The following MAP2 variants were observed in gnomAD, a reference collection of about 807,000 sequenced individuals.
MAP2 encodes microtubule associated protein 2, also known as microtubule-associated protein 2.
In MAP2, 14 loss-of-function variants were observed where a neutral mutation model predicts 137.6. That is an observed-to-expected ratio of 0.10 (90% CI 0.07 to 0.16). The LOEUF is 0.16. Among genes scored for constraint, MAP2 ranks in the 10% least tolerant of loss-of-function variants. The probability of loss-of-function intolerance (pLI) is 1.00; values close to 1 mark genes in which losing one functional copy is unlikely to be tolerated. For missense variants in MAP2, 2,088 were observed against 2,191.5 expected (o/e 0.95, Z 0.94); for synonymous variants, 786 against 782.3 (o/e 1.00, Z -0.08).
chr2:209,649,580 A>C (rs1319775675), intron 4 of MAP2, among the ~76,000 whole-genome samples: 1 of 152,144 alleles, frequency 6.6e-6, no homozygotes, highest in Non-Finnish European at 1.5e-5. Flanking sequence ...TTGTTCAATA[A>C]ACTTTTCCCT....
intron 4 of MAP2, among the ~76,000 whole-genome samples, chr2:209,627,113 AACACT>A (rs2092437053): frequency 6.6e-6 from 1 of 152,132 alleles, no homozygotes; most frequent in Admixed American, 6.6e-5. Flanking sequence ...CTATACATGA[AACACT>A]TACTATTCCC....
chr2:209,608,357 T>C (rs917112902), intron 3 of MAP2, among the ~76,000 whole-genome samples: 21 of 152,006 alleles, frequency 1.4e-4, no homozygotes, highest in Non-Finnish European at 2.5e-4. Flanking sequence ...GACACAATCA[T>C]AGCTCACTGC....
intron 2 of MAP2, among the ~76,000 whole-genome samples, chr2:209,534,309 G>A (rs1245414223): frequency 1.3e-5 from 2 of 152,208 alleles, no homozygotes; most frequent in African/African-American, 2.4e-5. Flanking sequence ...GTTAAGAGAA[G>A]TTGATGGTTT....
chr2:209,721,181 G>C (rs1020321403), intron 13 of MAP2, among the ~76,000 whole-genome samples: 1 of 152,174 alleles, frequency 6.6e-6, no homozygotes, highest in Non-Finnish European at 1.5e-5. Context: ...TGTCAAGCTA[G>C]AGTGTAACTC....
intron 1 of MAP2, among the ~76,000 whole-genome samples, chr2:209,477,037 G>C (rs1707426288): frequency 6.6e-6 from 1 of 152,094 alleles, no homozygotes; most frequent in African/African-American, 2.4e-5. Context: ...ACTGTGAGAG[G>C]GCAGGCTGCC....
At chr2:209,554,683 G>A (rs2070090155) in intron 2 of MAP2, among the ~76,000 whole-genome samples, 1 of 151,924 alleles carries the variant, frequency 6.6e-6, no homozygotes, top group South Asian at 2.1e-4. Context: ...CTGGGATGTT[G>A]AGGCTGCAGT....
intron 2 of MAP2, among the ~76,000 whole-genome samples, chr2:209,554,642 C>T (rs1197330984): frequency 6.6e-6 from 1 of 151,846 alleles, no homozygotes; most frequent in Admixed American, 6.6e-5. Flanking sequence ...CAAAGCTACT[C>T]AGGTGGCTGA....
rs377442719 is a variant in MAP2 at position 209,454,002 on chromosome 2, T to G, written c.-222+29726T>G. Among the ~76,000 whole-genome samples the G allele has an allele frequency of 1.6e-4, 24 of 151,824 alleles. No individual in the cohort carries two copies. In the East Asian group the frequency reaches 3.5e-3, roughly 22 times the overall value. On this transcript the variant is annotated intron_variant, in intron 1 of 15. Coordinates refer to ENST00000682079, the MANE Select transcript of MAP2 (RefSeq NM_001375505.1). ...CCATCTCTACTAAAAATACAAAAAA[T>G]TAGCCAGGCGTGGTGGCGGGCGCCT...
chr2:209,497,118 T>C (rs770563207), intron 1 of MAP2, among the ~76,000 whole-genome samples: 1 of 152,144 alleles, frequency 6.6e-6, no homozygotes, highest in Non-Finnish European at 1.5e-5. Flanking sequence ...TAAATACTGT[T>C]ATGGACTGAG....
intron 2 of MAP2, among the ~76,000 whole-genome samples, chr2:209,564,784 A>G (rs889767972): frequency 2.6e-5 from 4 of 151,906 alleles, no homozygotes; most frequent in African/African-American, 9.7e-5. Flanking sequence ...ATCTTTTTTC[A>G]TGCTTTACGT....
At chr2:209,649,180 T>G (rs1297697964) in intron 4 of MAP2, among the ~76,000 whole-genome samples, 1 of 148,270 alleles carries the variant, frequency 6.7e-6, no homozygotes, top group East Asian at 2.0e-4. Context: ...CCCAGCTAAT[T>G]AAAAAAAAAT....
intron 1 of MAP2, among the ~76,000 whole-genome samples, chr2:209,445,223 G>A (rs937985917): frequency 3.3e-5 from 5 of 151,476 alleles, no homozygotes; most frequent in Non-Finnish European, 5.9e-5. Context: ...CTTCTAATGG[G>A]CAATAGGGAC....
chr2:209,429,646 C>T (rs1693696891), intron 1 of MAP2, among the ~76,000 whole-genome samples: 1 of 152,126 alleles, frequency 6.6e-6, no homozygotes, highest in African/African-American at 2.4e-5. Flanking sequence ...TGAGATATTT[C>T]ATCGCTTAAC....
chr2:209,646,299 C>T (rs951390829), intron 4 of MAP2, among the ~76,000 whole-genome samples: 2 of 151,754 alleles, frequency 1.3e-5, no homozygotes, highest in Non-Finnish European at 2.9e-5. Context: ...TTTTTTTGCA[C>T]GAGGCAATCA....
At chr2:209,593,140 A>T (rs1413165444) in intron 3 of MAP2, among the ~76,000 whole-genome samples, 2 of 151,974 alleles carry the variant, frequency 1.3e-5, no homozygotes, top group Non-Finnish European at 2.9e-5. Context: ...CTTTTCCATA[A>T]TTCATTTTCA....
At chr2:209,621,345 A>T in intron 3 of MAP2, among the ~76,000 whole-genome samples, 1 of 139,414 alleles carries the variant, frequency 7.2e-6, no homozygotes, top group African/African-American at 2.8e-5. Context: ...TGCAACCTCC[A>T]TCTCCCGGGT....
intron 2 of MAP2, among the ~76,000 whole-genome samples, chr2:209,528,628 G>A (rs886822442): frequency 5.9e-5 from 9 of 151,864 alleles, no homozygotes; most frequent in Non-Finnish European, 1.0e-4. Flanking sequence ...CACTGTAGCT[G>A]AAAGAGCATC....
At chr2:209,527,879 C>T (rs2064320709) in intron 2 of MAP2, among the ~76,000 whole-genome samples, 1 of 152,112 alleles carries the variant, frequency 6.6e-6, no homozygotes, top group African/African-American at 2.4e-5. Context: ...GTTTGAGAAC[C>T]AGTGAGAAGA....
intron 14 of MAP2, among the ~76,000 whole-genome samples, chr2:209,727,879 T>C (rs1485995266): frequency 6.6e-6 from 1 of 152,216 alleles, no homozygotes; most frequent in African/African-American, 2.4e-5. Context: ...CTTCTTAAGC[T>C]TCCTTTTCTG....
Sources: allele counts gnomAD v4.1 joint callset (sites outside exome capture counted in the v4.1 genomes callset), GRCh38; gene constraint gnomAD v4.1.1; transcripts MANE v1.5; gene names NCBI Gene and HGNC (gene_info 2026-07-23, HGNC 2026-07-21).